ZNF362: variants seen among roughly 807,000 people sequenced by gnomAD.
ZNF362 encodes zinc finger protein 362.
Under a neutral mutation model 42.9 loss-of-function variants are expected in ZNF362, and 11 were observed. That is an observed-to-expected ratio of 0.26 (90% CI 0.16 to 0.42). The LOEUF is 0.42. Ranked by LOEUF, ZNF362 falls within the 20% of genes least tolerant of loss-of-function variation. ZNF362 has a pLI of 1.00. For missense variants in ZNF362, 362 were observed against 576.2 expected (o/e 0.63, Z 3.81); for synonymous variants, 255 against 257.3 (o/e 0.99, Z 0.09).
intron 6 of ZNF362, among the ~76,000 whole-genome samples, chr1:33,292,138 C>G (rs968486415): frequency 3.9e-5 from 6 of 152,212 alleles, no homozygotes; most frequent in African/African-American, 1.4e-4. Flanking sequence ...GCATCCCTGT[C>G]TTGTGCCAGT....
intron 1 of ZNF362, 75 bp from the exon 2 acceptor site, chr1:33,270,412 G>T (rs1645893771): frequency 6.7e-6 from 4 of 595,288 alleles, no homozygotes; most frequent in Non-Finnish European, 9.2e-6. Flanking sequence ...ACACATAGAT[G>T]TTGAAATCAA....
intron 1 of ZNF362, among the ~76,000 whole-genome samples, chr1:33,260,670 G>T (rs1645822984): frequency 6.6e-6 from 1 of 152,204 alleles, no homozygotes; most frequent in South Asian, 2.1e-4. Flanking sequence ...GGTGGTTCTG[G>T]TGTGGTGTGG....
At chr1:33,250,879 A>AGAAGAAGAAGAAGAAG in the ZNF362 span, among the ~76,000 whole-genome samples, 3 of 151,836 alleles carry the variant, frequency 2.0e-5, no homozygotes, top group African/African-American at 7.3e-5. Flanking sequence ...AAGAAGAAGA[A>AGAAGAAGAAGAAGAAG]GAAGAAGAAG....
At chr1:33,298,821 C>A (rs1646143494) in intron 8 of ZNF362, 109 bp from the exon 9 acceptor site, 2 of 896,674 alleles carry the variant, frequency 2.2e-6, no homozygotes, top group Non-Finnish European at 3.7e-6. Context: ...TGTCCTCCAC[C>A]CTCTGAACCG....
At chr1:33,235,849 C>A in the ZNF362 span, among the ~76,000 whole-genome samples, 1 of 152,318 alleles carries the variant, frequency 6.6e-6, no homozygotes, top group Non-Finnish European at 1.5e-5. Context: ...GGTCAAGCAG[C>A]GGACCTTTGT....
chr1:33,144,107 GAT>G, the ZNF362 span, among the ~76,000 whole-genome samples: 1 of 150,594 alleles, frequency 6.6e-6, no homozygotes, highest in Non-Finnish European at 1.5e-5. Context: ...TGCAAACGTT[GAT>G]ATATGATTCC....
At chr1:33,265,881 C>G (rs1645861756) in intron 1 of ZNF362, among the ~76,000 whole-genome samples, 1 of 152,216 alleles carries the variant, frequency 6.6e-6, no homozygotes, top group Non-Finnish European at 1.5e-5. Context: ...CCACCCCACC[C>G]TTCTTCCCTT....
At chr1:33,147,698 T>C in the ZNF362 span, 11 of 1,612,982 alleles carry the variant, frequency 6.8e-6, no homozygotes, top group Non-Finnish European at 8.5e-6. This position sits in a 1 kb window ranked among gnomAD's most constrained non-coding sequence, Gnocchi z 8.1. Context: ...TGGTGGGCTG[T>C]GCCCGGGTCC....
the ZNF362 span, among the ~76,000 whole-genome samples, chr1:33,148,106 G>C: frequency 6.6e-6 from 1 of 152,128 alleles, no homozygotes; most frequent in Admixed American, 6.5e-5. Flanking sequence ...TGCCCCCTAG[G>C]GGGAATGGGG....
the ZNF362 span, among the ~76,000 whole-genome samples, chr1:33,216,343 T>C: frequency 5.5e-5 from 8 of 146,088 alleles, no homozygotes; most frequent in South Asian, 1.9e-3. Context: ...GGCTTATACC[T>C]GTAATCCCAG....
the ZNF362 span, among the ~76,000 whole-genome samples, chr1:33,133,620 G>A: frequency 1.2e-4 from 19 of 152,286 alleles, no homozygotes; most frequent in East Asian, 3.3e-3. Flanking sequence ...CCAAAGGGAT[G>A]GGGCATCAGG....
chr1:33,194,876 G>A, the ZNF362 span: 4 of 151,932 alleles, frequency 2.6e-5, no homozygotes, highest in Non-Finnish European at 4.4e-5. Context: ...GTTCTACAAG[G>A]AGGAAATAGG....
intron 1 of ZNF362, among the ~76,000 whole-genome samples, chr1:33,263,792 A>G (rs1386206693): frequency 6.6e-6 from 1 of 152,166 alleles, no homozygotes; most frequent in African/African-American, 2.4e-5. Context: ...CTGGGCAGAG[A>G]CCCGGAGGTG....
At chr1:33,240,220 T>A in the ZNF362 span, among the ~76,000 whole-genome samples, 3 of 152,190 alleles carry the variant, frequency 2.0e-5, no homozygotes, top group African/African-American at 7.2e-5. Context: ...TGGAACAAAC[T>A]GACAATCACC....
intron 2 of ZNF362, chr1:33,274,799 C>A: frequency 3.3e-6 from 1 of 305,778 alleles, no homozygotes; most frequent in Non-Finnish European, 4.8e-6. Flanking sequence ...GCTTTGTGGC[C>A]TTGGACAGGT....
the ZNF362 span, among the ~76,000 whole-genome samples, chr1:33,189,697 ACACATATATACG>A: frequency 0.068 from 257 of 3,786 alleles, 17 homozygotes; most frequent in Admixed American, 0.11. Context: ...ATATATATAT[ACACATATATACG>A]TATATATATA....
the ZNF362 span, among the ~76,000 whole-genome samples, chr1:33,157,434 G>C: frequency 6.6e-6 from 1 of 151,718 alleles, no homozygotes; most frequent in Non-Finnish European, 1.5e-5. Context: ...AGTGCGGGCT[G>C]GTTCCTGGAC....
chr1:33,177,053 A>ACG, the ZNF362 span, among the ~76,000 whole-genome samples: 2 of 86,788 alleles, frequency 2.3e-5, no homozygotes, highest in Non-Finnish European at 5.5e-5. The surrounding 1 kb of genome is among the most constrained non-coding windows in gnomAD (Gnocchi z 4.1). Flanking sequence ...ACACACACGC[A>ACG]CACACACACA....
the ZNF362 span, among the ~76,000 whole-genome samples, chr1:33,161,508 C>T: frequency 1.3e-5 from 2 of 152,158 alleles, no homozygotes; most frequent in African/African-American, 2.4e-5. The surrounding 1 kb of genome is among the most constrained non-coding windows in gnomAD (Gnocchi z 4.3). Context: ...CTCCCCGACG[C>T]GCGGCTGCTG....
Sources: allele counts gnomAD v4.1 joint callset (sites outside exome capture counted in the v4.1 genomes callset), GRCh38; gene constraint gnomAD v4.1.1; non-coding constraint Gnocchi (gnomAD v3.1); transcripts MANE v1.5; gene names NCBI Gene and HGNC (gene_info 2026-07-23, HGNC 2026-07-21).